Variants in TENM2 observed in about 807,000 individuals in gnomAD.
TENM2 encodes teneurin-2.
TENM2 carries 52 observed loss-of-function variants against 245.2 expected under a neutral mutation model. The ratio of observed to expected loss-of-function variants is 0.21; its 90% CI spans 0.17 to 0.27. TENM2 has a LOEUF of 0.27. TENM2 is among the 10% of genes least tolerant of loss of function. The pLI is 1.00. For missense variants in TENM2, 3,046 were observed against 3,666.8 expected (o/e 0.83, Z 4.37); for synonymous variants, 1,363 against 1,438.9 (o/e 0.95, Z 1.19).
intron 2 of TENM2, among the ~76,000 whole-genome samples, chr5:167,530,844 C>T (rs145477510): frequency 2.6e-5 from 4 of 152,256 alleles, no homozygotes; most frequent in Middle Eastern, 3.4e-3. Context: ...TGATGCACGT[C>T]GCAAATGGAA....
chr5:167,698,314 T>C (rs1757905580), intron 2 of TENM2, among the ~76,000 whole-genome samples: 1 of 152,228 alleles, frequency 6.6e-6, no homozygotes, highest in Non-Finnish European at 1.5e-5. Context: ...TTTTCAAATG[T>C]GTCTCCACAC....
At chr5:167,640,037 T>A (rs1003458691) in intron 2 of TENM2, among the ~76,000 whole-genome samples, 2 of 152,202 alleles carry the variant, frequency 1.3e-5, no homozygotes, top group Admixed American at 6.5e-5. Flanking sequence ...GCTTCCTGAC[T>A]CCTGGTCCAA....
intron 1 of TENM2, among the ~76,000 whole-genome samples, chr5:167,299,840 T>C (rs1033558793): frequency 2.6e-5 from 4 of 152,088 alleles, no homozygotes; most frequent in African/African-American, 9.7e-5. Context: ...ATGGTAATTA[T>C]GGGAGACTCA....
the TENM2 span, among the ~76,000 whole-genome samples, chr5:167,233,138 G>A: frequency 6.6e-6 from 1 of 152,132 alleles, no homozygotes; most frequent in Non-Finnish European, 1.5e-5. Flanking sequence ...TATGAGCTCT[G>A]GGGTTGGAGG....
At chr5:167,001,448 T>C in the TENM2 span, among the ~76,000 whole-genome samples, 1 of 152,026 alleles carries the variant, frequency 6.6e-6, no homozygotes, top group African/African-American at 2.4e-5. Flanking sequence ...ACATGACTTA[T>C]GGGGTTGCAG....
At chr5:168,096,227 C>T (rs1793361942) in intron 8 of TENM2, among the ~76,000 whole-genome samples, 1 of 152,206 alleles carries the variant, frequency 6.6e-6, no homozygotes, top group Non-Finnish European at 1.5e-5. Flanking sequence ...CATTCAGAAA[C>T]ATGACAGACC....
chr5:167,475,911 G>T (rs142259201), intron 2 of TENM2, among the ~76,000 whole-genome samples: 1 of 152,172 alleles, frequency 6.6e-6, no homozygotes, highest in African/African-American at 2.4e-5. Flanking sequence ...ATGGGCATTT[G>T]GGTGGGTTCC....
chr5:167,991,755 G>C (rs1006734069), intron 4 of TENM2, among the ~76,000 whole-genome samples: 1 of 152,316 alleles, frequency 6.6e-6, no homozygotes, highest in East Asian at 1.9e-4. Flanking sequence ...CTTGGAGAAG[G>C]CATCTCAGAA....
chr5:167,368,639 G>A (rs900719687), intron 1 of TENM2, among the ~76,000 whole-genome samples: 1 of 152,064 alleles, frequency 6.6e-6, no homozygotes, highest in Admixed American at 6.6e-5. Context: ...ACACTGAGCC[G>A]ATGGGAATAG....
rs1771875448 is a variant in TENM2, at chr5:167,536,712, T to A, written c.502+161239T>A. Among the ~76,000 whole-genome samples the A allele has an allele frequency of 2.0e-5, 3 of 152,128 alleles. No homozygotes were observed. In the South Asian group the frequency reaches 6.2e-4, roughly 32 times the overall value. On this transcript the variant is annotated intron_variant, in intron 2 of 28. Transcript: ENST00000518659. ...CTTACGGTTGATGAGAGACTATTTGTCTAGTTCAAGATTAGATGTCCAGGT... is the reference window on the plus strand; with the variant it reads ...CTTACGGTTGATGAGAGACTATTTGACTAGTTCAAGATTAGATGTCCAGGT...
chr5:167,179,196 G>A, the TENM2 span, among the ~76,000 whole-genome samples: 1 of 152,074 alleles, frequency 6.6e-6, no homozygotes, highest in African/African-American at 2.4e-5. Context: ...TCCTTCCAAG[G>A]ATAACAGGAA....
chr5:168,198,621 T>C (rs1214537426), intron 15 of TENM2, among the ~76,000 whole-genome samples: 1 of 152,204 alleles, frequency 6.6e-6, no homozygotes, highest in Non-Finnish European at 1.5e-5. Context: ...GGTGTAATTA[T>C]TCCCATTTTA....
chr5:168,152,644 G>A (rs1029601185), intron 12 of TENM2, among the ~76,000 whole-genome samples: 7 of 152,186 alleles, frequency 4.6e-5, no homozygotes, highest in Non-Finnish European at 8.8e-5. Flanking sequence ...GGAATAAGCT[G>A]CACAAGGTAC....
intron 2 of TENM2, among the ~76,000 whole-genome samples, chr5:167,532,840 A>G (rs1246669297): frequency 4.0e-5 from 6 of 150,658 alleles, no homozygotes; most frequent in Non-Finnish European, 8.9e-5. Flanking sequence ...ATATATATAT[A>G]TATATGCTAT....
intron 2 of TENM2, among the ~76,000 whole-genome samples, chr5:167,688,333 C>T (rs1010304191): frequency 6.6e-6 from 1 of 152,118 alleles, no homozygotes; most frequent in African/African-American, 2.4e-5. Flanking sequence ...TCTTCTGTGG[C>T]ATCATTTTTT....
the TENM2 span, among the ~76,000 whole-genome samples, chr5:167,049,635 C>A: frequency 6.6e-6 from 1 of 152,090 alleles, no homozygotes; most frequent in Admixed American, 6.6e-5. Context: ...ATAATGTAAA[C>A]AATAATGGTA....
At chr5:167,312,841 C>T (rs997373018) in intron 1 of TENM2, among the ~76,000 whole-genome samples, 1 of 151,362 alleles carries the variant, frequency 6.6e-6, no homozygotes, top group Non-Finnish European at 1.5e-5. Flanking sequence ...CCTTCCAGAC[C>T]GGACCCTGGC....
At chr5:167,666,599 A>G (rs1249529204) in intron 2 of TENM2, among the ~76,000 whole-genome samples, 1 of 152,168 alleles carries the variant, frequency 6.6e-6, no homozygotes, top group African/African-American at 2.4e-5. Flanking sequence ...TCACTCAAGG[A>G]CAGTACTTAG....
intron 23 of TENM2, among the ~76,000 whole-genome samples, chr5:168,220,053 A>G (rs1763539970): frequency 6.6e-6 from 1 of 152,122 alleles, no homozygotes; most frequent in Admixed American, 6.5e-5. Context: ...CAAGCACCTT[A>G]ACGATGCTTG....
Sources: allele counts gnomAD v4.1 joint callset (sites outside exome capture counted in the v4.1 genomes callset), GRCh38; gene constraint gnomAD v4.1.1; transcripts MANE v1.5; gene names NCBI Gene and HGNC (gene_info 2026-07-23, HGNC 2026-07-21).